The following SNAP91 variants were observed in gnomAD, a reference collection of about 807,000 sequenced individuals.
SNAP91 encodes the protein clathrin coat assembly protein AP180.
In SNAP91, 27 loss-of-function variants were observed where a neutral mutation model predicts 100.3. The observed-to-expected ratio is 0.27, with a 90% CI of 0.20 to 0.37. SNAP91 has a LOEUF of 0.37. Ranked by LOEUF, SNAP91 falls within the 10% of genes least tolerant of loss-of-function variation. The probability of loss-of-function intolerance (pLI) is 1.00; values close to 1 mark genes in which losing one functional copy is unlikely to be tolerated. For synonymous variants in SNAP91, 404 were observed against 398.6 expected, an observed-to-expected ratio of 1.01 and a Z score of -0.16; for missense variants, 986 against 1,123.7, an observed-to-expected ratio of 0.88 and a Z score of 1.75.
At chr6:83,707,676 G>A in intron 2 of SNAP91, 122 bp downstream of exon 2, 1 of 1,339,066 alleles carries the variant, frequency 7.5e-7, no homozygotes, top group East Asian at 2.6e-5. Context: ...TTTCAGCTCA[G>A]GGGCAACCTG....
intron 2 of SNAP91, among the ~76,000 whole-genome samples, chr6:83,680,384 A>C (rs1024520116): frequency 6.6e-6 from 1 of 152,148 alleles, no homozygotes; most frequent in Non-Finnish European, 1.5e-5. Context: ...AAGCAGTAGA[A>C]AAAATTTGGC....
chr6:83,677,975 T>C (rs1465955988), intron 2 of SNAP91, among the ~76,000 whole-genome samples: 2 of 152,158 alleles, frequency 1.3e-5, no homozygotes, highest in Non-Finnish European at 2.9e-5. Flanking sequence ...TGGCAGTAAT[T>C]GCTGGAAGGA....
At chr6:83,658,581 G>C (rs964550395) in intron 6 of SNAP91, among the ~76,000 whole-genome samples, 4 of 151,988 alleles carry the variant, frequency 2.6e-5, no homozygotes, top group African/African-American at 9.7e-5. Context: ...ACTCCAGCCT[G>C]GGTGACAGAG....
At chr6:83,591,940 T>C (rs2093811278) in intron 21 of SNAP91, among the ~76,000 whole-genome samples, 1 of 152,210 alleles carries the variant, frequency 6.6e-6, no homozygotes, top group South Asian at 2.1e-4. Context: ...TATATTTAAA[T>C]CAGCAACACA....
At chr6:83,635,792 G>A (rs190627824) in intron 8 of SNAP91, among the ~76,000 whole-genome samples, 15 of 152,252 alleles carry the variant, frequency 9.9e-5, no homozygotes, top group East Asian at 1.9e-4. Context: ...ACTTATATGT[G>A]TTTCTGTGGT....
At chr6:83,667,177 C>A (rs971070351) in intron 2 of SNAP91, among the ~76,000 whole-genome samples, 1 of 152,012 alleles carries the variant, frequency 6.6e-6, no homozygotes, top group Non-Finnish European at 1.5e-5. Context: ...CCATATAGAC[C>A]AATGCATTTA....
rs115152442 is a variant in SNAP91, at chr6:83,669,977, G to A, written c.131-4396C>T. Reference sequence around the variant, plus strand: ...AACATTTACATATATCTATTTATACGGACATATGCCTTCATTTCTCTTGGG... The same window carrying A: ...AACATTTACATATATCTATTTATACAGACATATGCCTTCATTTCTCTTGGG... On this transcript the variant is annotated intron_variant, in intron 2 of 29. Coordinates refer to ENST00000369694, the MANE Select transcript of SNAP91 (RefSeq NM_001242792.2). 2.1e-3 allele frequency among the ~76,000 whole-genome samples: 318 copies of A among 151,936 alleles called. 1 individual carries two copies. Among genetic ancestry groups the A allele is most frequent in the African/African-American group, 7.1e-3 (294 of 41,516 alleles).
chr6:83,570,556 C>CG (rs71296897), intron 26 of SNAP91, among the ~76,000 whole-genome samples: 61 of 129,770 alleles, frequency 4.7e-4, no homozygotes, highest in South Asian at 7.9e-4. Flanking sequence ...TACGGGGTGG[C>CG]GGGGGGGGAA....
chr6:83,600,334 T>C lies in SNAP91; in HGVS notation c.1324+937A>G, dbSNP rs185029797. Among the ~76,000 whole-genome samples the C allele has an allele frequency of 3.0e-4, 46 of 152,322 alleles. No individual in the cohort carries two copies. The East Asian group carries it at 6.2e-3, about 20-fold the overall frequency. ...AAATGTATGTTCCCAGGGGTACATA[T>C]TGATTACACCAAAGCCTGCCAAATC... is the stretch of plus-strand genomic sequence containing the variant. On this transcript the variant is annotated intron_variant, in intron 16 of 29. Transcript: ENST00000369694.
chr6:83,611,902 T>C (rs2096130129), intron 11 of SNAP91, among the ~76,000 whole-genome samples: 2 of 118,420 alleles, frequency 1.7e-5, no homozygotes, highest in South Asian at 5.5e-4. Flanking sequence ...TTTGGATTTT[T>C]AGTAGAGACG....
intron 2 of SNAP91, among the ~76,000 whole-genome samples, chr6:83,697,324 G>GCACACACACACA (rs57251608): frequency 4.5e-4 from 62 of 138,146 alleles, no homozygotes; most frequent in East Asian, 2.6e-3. Context: ...GAAAATAGCT[G>GCACACACACACA]CACACACACA....
At chr6:83,604,502 C>A (rs944912932) in intron 14 of SNAP91, among the ~76,000 whole-genome samples, 12 of 151,926 alleles carry the variant, frequency 7.9e-5, no homozygotes, top group African/African-American at 2.9e-4. Context: ...ATTTTTGTTA[C>A]CAAAATAACT....
intron 2 of SNAP91, among the ~76,000 whole-genome samples, chr6:83,677,005 C>T (rs2098916927): frequency 6.6e-6 from 1 of 152,040 alleles, no homozygotes; most frequent in South Asian, 2.1e-4. Flanking sequence ...AGCTTGCAGC[C>T]CCTGAACAAC....
intron 2 of SNAP91, among the ~76,000 whole-genome samples, chr6:83,682,244 C>T (rs567477174): frequency 4.2e-5 from 6 of 144,394 alleles, no homozygotes; most frequent in African/African-American, 1.5e-4. Context: ...GTGGTACAAT[C>T]ATGGCTCACT....
At position 83,560,007 on chromosome 6, in the gene SNAP91, T is replaced by C; in HGVS notation, c.2631+97A>G. 6 of 994,624 alleles carry C rather than the reference T, an allele frequency of 6.0e-6. No homozygotes were observed. The South Asian group carries it at 8.1e-5, about 13-fold the overall frequency. 61.6% of individuals were successfully genotyped at this position (994,624 alleles called of 1,614,324 possible). ...ACTTCTGAAGCAACAGGTATGAGGA[T>C]TACATTAGGTAAAAACACTTTTTAA... On this transcript the variant is annotated intron_variant, in intron 28 of 29. Coordinates refer to ENST00000369694, the MANE Select transcript of SNAP91 (RefSeq NM_001242792.2).
chr6:83,609,163 A>C (rs1309398589), intron 12 of SNAP91, among the ~76,000 whole-genome samples: 5 of 152,208 alleles, frequency 3.3e-5, no homozygotes, highest in Admixed American at 2.6e-4. Flanking sequence ...TTGTAACAAC[A>C]AGCTCTGAGG....
At chr6:83,683,154 T>C (rs930801941) in intron 2 of SNAP91, among the ~76,000 whole-genome samples, 1 of 152,168 alleles carries the variant, frequency 6.6e-6, no homozygotes, top group African/African-American at 2.4e-5. Flanking sequence ...GCCTTTTTCT[T>C]ATCTCTGTCT....
At chr6:83,671,768 T>C (rs773280605) in intron 2 of SNAP91, among the ~76,000 whole-genome samples, 1 of 152,066 alleles carries the variant, frequency 6.6e-6, no homozygotes, top group Non-Finnish European at 1.5e-5. Flanking sequence ...GCAACAAATA[T>C]AAATAGTTCT....
chr6:83,570,519 G>T (rs1805003913), intron 26 of SNAP91, among the ~76,000 whole-genome samples: 1 of 144,244 alleles, frequency 6.9e-6, no homozygotes, highest in South Asian at 2.3e-4. Flanking sequence ...CTTTGTAGCA[G>T]CCCCTCTCAT....
Sources: gnomAD v4.1 joint callset for allele counts (sites outside exome capture counted in the v4.1 genomes callset) on GRCh38, gnomAD v4.1.1 for gene constraint, MANE v1.5 for transcripts, NCBI Gene and HGNC (gene_info 2026-07-23, HGNC 2026-07-21) for gene names.